NAALADL2: variants seen among roughly 807,000 people sequenced by gnomAD.
NAALADL2 encodes N-acetylated alpha-linked acidic dipeptidase like 2, also known as inactive N-acetylated-alpha-linked acidic dipeptidase-like protein 2.
A neutral mutation model predicts 87.2 loss-of-function variants in NAALADL2; 76 were observed. The observed-to-expected ratio is 0.87, with a 90% CI of 0.72 to 1.05. The LOEUF (loss-of-function observed/expected upper bound fraction) is 1.05, where lower values mean the gene tolerates loss of function less well. NAALADL2 is among the 50% of genes least tolerant of loss of function. NAALADL2 has a pLI of 0.00. For synonymous variants in NAALADL2, 354 were observed against 331.0 expected (o/e 1.07, Z -0.75); for missense variants, 1,089 against 945.8 (o/e 1.15, Z -1.99).
intron 2 of NAALADL2, among the ~76,000 whole-genome samples, chr3:175,110,499 T>C (rs1405779868): frequency 6.6e-6 from 1 of 151,800 alleles, no homozygotes; most frequent in African/African-American, 2.4e-5. Flanking sequence ...CCTTTTCAGT[T>C]GCCCTTTTGA....
chr3:175,149,089 T>A (rs1266794617), intron 2 of NAALADL2, among the ~76,000 whole-genome samples: 3 of 152,196 alleles, frequency 2.0e-5, no homozygotes, highest in African/African-American at 7.2e-5. Flanking sequence ...GAGCCCACAG[T>A]GTTTTTCCTT....
intron 11 of NAALADL2, chr3:175,675,469 T>G (rs1010748540): frequency 4.6e-5 from 7 of 152,204 alleles, no homozygotes; most frequent in Non-Finnish European, 7.3e-5. Flanking sequence ...ATTGCTAGAT[T>G]GGCTTCATAA....
chr3:175,732,445 T>C (rs555740633), intron 11 of NAALADL2, among the ~76,000 whole-genome samples: 25 of 152,312 alleles, frequency 1.6e-4, no homozygotes, highest in East Asian at 1.9e-4. Flanking sequence ...TGATTCTCTT[T>C]AGTATTTGAA....
intron 5 of NAALADL2, among the ~76,000 whole-genome samples, chr3:175,410,491 C>A: frequency 6.6e-6 from 1 of 152,022 alleles, no homozygotes; most frequent in Non-Finnish European, 1.5e-5. Flanking sequence ...TGATTTATTC[C>A]ACAGATGTTT....
chr3:174,476,617 G>A (rs1717233305), intron 1 of NAALADL2, among the ~76,000 whole-genome samples: 1 of 151,938 alleles, frequency 6.6e-6, no homozygotes, highest in Non-Finnish European at 1.5e-5. Flanking sequence ...CAGTACACTT[G>A]TGTGCTATAT....
chr3:174,478,527 T>C (rs1717351309), intron 1 of NAALADL2, among the ~76,000 whole-genome samples: 1 of 152,094 alleles, frequency 6.6e-6, no homozygotes. Flanking sequence ...CCTAATTCTA[T>C]AAAAATATAG....
In NAALADL2 at chr3:174,918,098, A is replaced by G. The variant is rs1024822720; in HGVS notation, c.43+58648A>G. On this transcript the variant is annotated intron_variant, in intron 1 of 13. Coordinates refer to ENST00000454872, the MANE Select transcript of NAALADL2 (RefSeq NM_207015.3). ...TTTACTATGTAGCATATTTGATTCC[A>G]TCTTAGAAAAGTAGTATATGATGAG... Among the ~76,000 whole-genome samples, 15 of 152,146 alleles carry G rather than the reference A, an allele frequency of 9.9e-5. 1 individual carries two copies. The highest frequency in any genetic ancestry group is 4.4e-5 in the Non-Finnish European group (3 of 68,028).
chr3:175,599,934 G>T (rs1722732491), intron 10 of NAALADL2, among the ~76,000 whole-genome samples: 1 of 151,826 alleles, frequency 6.6e-6, no homozygotes, highest in Admixed American at 6.6e-5. Flanking sequence ...CAAATCTTAG[G>T]CCCATATCAG....
chr3:174,571,407 G>A (rs141543521), intron 2 of NAALADL2, among the ~76,000 whole-genome samples: 23,170 of 151,646 alleles, frequency 0.15, 1,912 homozygotes, highest in Non-Finnish European at 0.17. Flanking sequence ...ACAGAGTTTC[G>A]CTCTTTTTGC....
intron 1 of NAALADL2, among the ~76,000 whole-genome samples, chr3:174,984,872 A>G (rs1745633850): frequency 6.6e-6 from 1 of 151,898 alleles, no homozygotes; most frequent in African/African-American, 2.4e-5. Flanking sequence ...GCTACATTGT[A>G]ATGGAAGAAG....
At chr3:174,787,583 A>ATG (rs1560225432) in intron 3 of NAALADL2, among the ~76,000 whole-genome samples, 2,133 of 51,918 alleles carry the variant, frequency 0.041, 195 homozygotes, top group East Asian at 0.094. Context: ...CATCATATAT[A>ATG]TATATATATA....
chr3:175,549,600 C>T (rs1426489710), intron 9 of NAALADL2, among the ~76,000 whole-genome samples: 1 of 151,816 alleles, frequency 6.6e-6, no homozygotes, highest in Non-Finnish European at 1.5e-5. Context: ...TCCTGATCTA[C>T]CACTAATCAT....
chr3:175,532,548 T>C (rs1284580354), intron 9 of NAALADL2, among the ~76,000 whole-genome samples: 1 of 152,234 alleles, frequency 6.6e-6, no homozygotes, highest in Non-Finnish European at 1.5e-5. Flanking sequence ...AGTTTTCTGC[T>C]TACATATATT....
At chr3:174,747,067 A>C (rs1314835542) in intron 3 of NAALADL2, among the ~76,000 whole-genome samples, 2 of 152,200 alleles carry the variant, frequency 1.3e-5, no homozygotes. Context: ...CAAAAGCAAA[A>C]ATTGACAAAT....
intron 2 of NAALADL2, among the ~76,000 whole-genome samples, chr3:174,687,569 G>A (rs1246334375): frequency 1.3e-5 from 2 of 152,082 alleles, no homozygotes; most frequent in Non-Finnish European, 2.9e-5. Flanking sequence ...GTTAACAACT[G>A]GCTTTATGGT....
intron 4 of NAALADL2, among the ~76,000 whole-genome samples, chr3:175,309,054 A>G (rs9869167): frequency 0.67 from 101,464 of 152,160 alleles, 35,569 homozygotes; most frequent in African/African-American, 0.89. Flanking sequence ...AATTAAATAC[A>G]TTAATTTCAA....
chr3:175,267,502 C>A lies in NAALADL2; in HGVS notation c.939+10972C>A, dbSNP rs577578216. Among the ~76,000 whole-genome samples, 7 of 152,212 alleles carry A rather than the reference C, an allele frequency of 4.6e-5. No homozygotes were observed. In the South Asian group the frequency reaches 8.3e-4, roughly 18 times the overall value. On this transcript the variant is annotated intron_variant, in intron 4 of 13. Coordinates refer to ENST00000454872, the MANE Select transcript of NAALADL2 (RefSeq NM_207015.3). ...TTGAGTAATGCCTGACTCATAGATC[C>A]TTTTATGCTCAAATAAACTCTGTTA...
intron 2 of NAALADL2, among the ~76,000 whole-genome samples, chr3:174,703,677 G>C (rs1729784575): frequency 6.6e-6 from 1 of 152,060 alleles, no homozygotes; most frequent in South Asian, 2.1e-4. Flanking sequence ...GGGATTTTTA[G>C]CTACACCAGA....
At chr3:175,686,583 CA>C (rs1344963411) in intron 11 of NAALADL2, among the ~76,000 whole-genome samples, 1 of 151,236 alleles carries the variant, frequency 6.6e-6, no homozygotes, top group Non-Finnish European at 1.5e-5. Flanking sequence ...ACTTTTAATT[CA>C]ATTAAATAAT....
Sources: gnomAD v4.1 joint callset for allele counts (sites outside exome capture counted in the v4.1 genomes callset) on GRCh38, gnomAD v4.1.1 for gene constraint, MANE v1.5 for transcripts, NCBI Gene and HGNC (gene_info 2026-07-23, HGNC 2026-07-21) for gene names.